The following MECOM variants were observed in gnomAD, a reference collection of about 807,000 sequenced individuals.
MECOM encodes the protein MDS1 and EVI1 complex locus, also known as histone-lysine N-methyltransferase MECOM.
In MECOM, 13 loss-of-function variants were observed where a neutral mutation model predicts 116.3. The ratio of observed to expected loss-of-function variants is 0.11; its 90% CI spans 0.07 to 0.18. The LOEUF (loss-of-function observed/expected upper bound fraction) is 0.18. Ranked by LOEUF, MECOM falls within the 10% of genes least tolerant of loss-of-function variation. MECOM has a pLI of 1.00. For missense variants in MECOM, 1,299 were observed against 1,509.0 expected (o/e 0.86, Z 2.31); for synonymous variants, 528 against 535.2 (o/e 0.99, Z 0.19).
At chr3:169,244,392 G>A (rs1237937086) in intron 2 of MECOM, among the ~76,000 whole-genome samples, 1 of 152,174 alleles carries the variant, frequency 6.6e-6, no homozygotes, top group Admixed American at 6.5e-5. Flanking sequence ...CTTAACATCT[G>A]TGCATCACAT....
chr3:169,321,817 G>C (rs1180636029), intron 2 of MECOM, among the ~76,000 whole-genome samples: 3 of 152,148 alleles, frequency 2.0e-5, no homozygotes, highest in Non-Finnish European at 2.9e-5. Flanking sequence ...CACTAGAAAA[G>C]ACAGTGGAAG....
intron 2 of MECOM, among the ~76,000 whole-genome samples, chr3:169,270,539 TA>T (rs1255667288): frequency 1.3e-5 from 2 of 152,128 alleles, no homozygotes; most frequent in African/African-American, 4.8e-5. Flanking sequence ...AAAACTGTTA[TA>T]ACCCTTTCAG....
intron 2 of MECOM, among the ~76,000 whole-genome samples, chr3:169,339,044 C>G (rs569365537): frequency 6.6e-6 from 1 of 151,952 alleles, no homozygotes; most frequent in African/African-American, 2.4e-5. Flanking sequence ...AGAGTAGAAC[C>G]AAAATCAATA....
chr3:169,523,734 A>T (rs1013824093), intron 1 of MECOM, among the ~76,000 whole-genome samples: 1 of 152,012 alleles, frequency 6.6e-6, no homozygotes, highest in Non-Finnish European at 1.5e-5. Context: ...GGGCCCAGTT[A>T]AATTTGATTC....
chr3:169,278,701 G>A (rs1236623814), intron 2 of MECOM, among the ~76,000 whole-genome samples: 1 of 152,204 alleles, frequency 6.6e-6, no homozygotes, highest in Non-Finnish European at 1.5e-5. Flanking sequence ...AAAAGGTAGA[G>A]CTGAATAGTC....
intron 2 of MECOM, among the ~76,000 whole-genome samples, chr3:169,375,175 T>C (rs1208625637): frequency 6.6e-6 from 1 of 152,130 alleles, no homozygotes; most frequent in East Asian, 1.9e-4. Context: ...GCTAAAGCAG[T>C]GTTTAGAGGG....
At chr3:169,090,862 T>C (rs953099514) in intron 14 of MECOM, among the ~76,000 whole-genome samples, 12 of 152,056 alleles carry the variant, frequency 7.9e-5, no homozygotes, top group African/African-American at 2.4e-4. Flanking sequence ...AAATAGTTCC[T>C]TGTTTCTCAG....
intron 2 of MECOM, among the ~76,000 whole-genome samples, chr3:169,250,042 G>A (rs1462798357): frequency 5.3e-5 from 8 of 152,140 alleles, no homozygotes; most frequent in Admixed American, 5.2e-4. Flanking sequence ...CAATGGATCC[G>A]TTCTCAAACT....
chr3:169,485,941 GTATGTA>G lies in MECOM; in HGVS notation c.38-104423_38-104418del, dbSNP rs1752183474. ...TATATATAGTATATATAGTATATAT[GTATGTA>G]TATATGTACATATATACTATATATA... On this transcript the variant is annotated intron_variant, in intron 1 of 16. Coordinates refer to ENST00000651503, the MANE Select transcript of MECOM (RefSeq NM_004991.4). Among the ~76,000 whole-genome samples the G allele has an allele frequency of 4.4e-4, 16 of 36,014 alleles. 2 individuals are homozygous for G. Among genetic ancestry groups the G allele is most frequent in the African/African-American group, 2.1e-3 (16 of 7,450 alleles). The allele number at this position is 36,014 out of a possible 152,430, so 23.6% of individuals were successfully genotyped here.
At chr3:169,386,227 C>T (rs1227953430) in intron 1 of MECOM, among the ~76,000 whole-genome samples, 1 of 152,120 alleles carries the variant, frequency 6.6e-6, no homozygotes, top group Non-Finnish European at 1.5e-5. Flanking sequence ...GAAGAAATTG[C>T]AGAAATAATA....
chr3:169,276,308 T>G (rs953478108), intron 2 of MECOM, among the ~76,000 whole-genome samples: 41 of 152,108 alleles, frequency 2.7e-4, no homozygotes, highest in African/African-American at 9.7e-4. Context: ...TCCCAGCACT[T>G]TGGGAGGCCA....
chr3:169,140,476 G>T (rs1226666314), intron 3 of MECOM, among the ~76,000 whole-genome samples: 3 of 151,916 alleles, frequency 2.0e-5, no homozygotes, highest in African/African-American at 7.3e-5. Flanking sequence ...TTTTTCAGGG[G>T]TGAATAAAGA....
chr3:169,546,029 A>G (rs1049060914), intron 1 of MECOM, among the ~76,000 whole-genome samples: 1 of 152,212 alleles, frequency 6.6e-6, no homozygotes, highest in Admixed American at 6.5e-5. Flanking sequence ...TTGAAGAGAG[A>G]TTACTGTAAG....
chr3:169,241,461 A>G (rs1477956743), intron 2 of MECOM, among the ~76,000 whole-genome samples: 4 of 152,186 alleles, frequency 2.6e-5, no homozygotes, highest in Admixed American at 6.5e-5. Flanking sequence ...AGTTACAATA[A>G]CACCAGGTAT....
At chr3:169,615,223 C>T (rs571296195) in intron 1 of MECOM, among the ~76,000 whole-genome samples, 17 of 152,336 alleles carry the variant, frequency 1.1e-4, no homozygotes, top group Non-Finnish European at 8.8e-5. Context: ...GTACCCACCA[C>T]GTTCATGTCT....
chr3:169,348,983 A>G (rs556099073), intron 2 of MECOM, among the ~76,000 whole-genome samples: 3 of 152,010 alleles, frequency 2.0e-5, no homozygotes, highest in East Asian at 3.9e-4. Flanking sequence ...TTCTCTAAAT[A>G]CTTCAGGAGA....
intron 2 of MECOM, among the ~76,000 whole-genome samples, chr3:169,300,659 C>T (rs1250200105): frequency 6.6e-6 from 1 of 152,174 alleles, no homozygotes; most frequent in Non-Finnish European, 1.5e-5. Flanking sequence ...ATCCTTAGGT[C>T]CTTCCATTTA....
chr3:169,475,353 G>A (rs939128803), intron 1 of MECOM, among the ~76,000 whole-genome samples: 3 of 152,060 alleles, frequency 2.0e-5, no homozygotes, highest in African/African-American at 4.8e-5. Context: ...TTATCAAGAC[G>A]GTTGAAGTGT....
intron 1 of MECOM, among the ~76,000 whole-genome samples, chr3:169,434,063 C>T (rs2108573789): frequency 6.6e-6 from 1 of 152,076 alleles, no homozygotes; most frequent in African/African-American, 2.4e-5. Flanking sequence ...GATTATGTTC[C>T]CTTTAATATT....
Sources: gnomAD v4.1 joint callset for allele counts (sites outside exome capture counted in the v4.1 genomes callset) on GRCh38, gnomAD v4.1.1 for gene constraint, MANE v1.5 for transcripts, NCBI Gene and HGNC (gene_info 2026-07-23, HGNC 2026-07-21) for gene names.